JAK2: variants seen among roughly 807,000 people sequenced by gnomAD.
The protein encoded by JAK2 is Janus kinase 2.
JAK2 carries 86 observed loss-of-function variants against 139.3 expected under a neutral mutation model. The ratio of observed to expected loss-of-function variants is 0.62; its 90% confidence interval spans 0.52 to 0.74. The LOEUF is 0.74. JAK2 is among the 30% of genes least tolerant of loss of function. JAK2 has a pLI of 0.00. For synonymous variants in JAK2, 490 were observed against 437.7 expected, an observed-to-expected ratio of 1.12 and a Z score of -1.49; for missense variants, 1,421 against 1,360.3, an observed-to-expected ratio of 1.04 and a Z score of -0.70.
Position 5,080,623 on chromosome 9 carries a change from C to G in JAK2, c.2374C>G (p.Pro792Ala), listed in dbSNP as rs147644681. Reference protein sequence around the residue: ...NLINNCMDYEPDFRPSFRAII... With the variant: ...NLINNCMDYEADFRPSFRAII... Reference sequence around the variant, plus strand: ...TATAAATAATTGTATGGATTATGAACCAGATTTCAGGCCTTCTTTCAGAGC... The same window carrying G: ...TATAAATAATTGTATGGATTATGAAGCAGATTTCAGGCCTTCTTTCAGAGC... Residue 792 changes from proline to alanine, a missense_variant, in exon 18 of 25, where the codon CCA becomes GCA. Coordinates refer to ENST00000381652, the MANE Select transcript of JAK2 (RefSeq NM_004972.4). 1 of 1,607,914 alleles carries G rather than the reference C, an allele frequency of 6.2e-7. No homozygotes were observed. The highest frequency in any genetic ancestry group is 8.5e-7 in the Non-Finnish European group (1 of 1,178,310).
In JAK2 at chr9:5,090,654, A is replaced by C. The variant is rs1228213612; in HGVS notation, c.2886+84A>C. 1.5e-5 allele frequency: 23 copies of C among 1,515,060 alleles called. No individual in the cohort carries two copies. The East Asian group carries it at 4.6e-4, about 30-fold the overall frequency. 93.9% of individuals were successfully genotyped at this position (1,515,060 alleles called of 1,614,324 possible). A position where few individuals can be genotyped will look rare whatever the true frequency, so the allele number is the denominator to read the frequency against. On this transcript the variant is annotated intron_variant, in intron 21 of 24. Coordinates refer to ENST00000381652, the MANE Select transcript of JAK2 (RefSeq NM_004972.4). ...GGAAATCATCTAGACGTTTTCATAG[A>C]TAATAAAGGGAATATATAGGGTTAA...
Position 5,080,291 on chromosome 9 carries a change from T to A in JAK2, c.2194T>A (p.Leu732Met). The A allele has an allele frequency of 1.2e-6, 2 of 1,613,788 alleles. No individual in the cohort carries two copies. The highest frequency in any genetic ancestry group is 3.3e-5 in the Admixed American group (2 of 60,024). ...CATTGAAAATCCTAAAAATTTAAAT[T>A]TGGCAACAGACAAATGGAGTTTTGG... ...ECIENPKNLN[L>M]ATDKWSFGTT... is the part of the protein sequence containing the mutation. Residue 732 changes from leucine to methionine, a missense_variant, in exon 17 of 25, where the codon TTG becomes ATG. By Grantham distance (15) the Leu-to-Met change is conservative. Coordinates refer to ENST00000381652, the MANE Select transcript of JAK2 (RefSeq NM_004972.4).
intron 22 of JAK2, 81 bp downstream of exon 22, chr9:5,090,992 T>C: frequency 9.3e-7 from 1 of 1,073,340 alleles, no homozygotes; most frequent in Non-Finnish European, 1.3e-6. Flanking sequence ...AGTTTGCCAT[T>C]TCTATATTTA....
chr9:5,003,517 T>C (rs1821063019), intron 2 of JAK2, among the ~76,000 whole-genome samples: 1 of 152,084 alleles, frequency 6.6e-6, no homozygotes, highest in African/African-American at 2.4e-5. Context: ...ATTTAAAAAA[T>C]TGTTTGCTTC....
Position 5,072,474 on chromosome 9 carries a change from T to C in JAK2, c.1642-18T>C, listed in dbSNP as rs1819023011. On this transcript the variant is annotated intron_variant, in intron 12 of 24. Coordinates refer to ENST00000381652, the MANE Select transcript of JAK2 (RefSeq NM_004972.4). ...TCCATCTTTACTCATTCTTTTCTTT[T>C]ACCTTTTTCTCTTGAAGAATGAAAG... The C allele has an allele frequency of 1.3e-6, 2 of 1,506,792 alleles. No individual in the cohort carries two copies. The highest frequency in any genetic ancestry group is 1.4e-5 in the African/African-American group (1 of 71,052). 93.3% of individuals were successfully genotyped at this position (1,506,792 alleles called of 1,614,324 possible).
At chr9:5,035,349 T>C (rs184231521) in intron 4 of JAK2, among the ~76,000 whole-genome samples, 157 of 152,280 alleles carry the variant, frequency 1.0e-3, no homozygotes, top group African/African-American at 3.6e-3. Flanking sequence ...TTCCAATCAA[T>C]AGAATAAGAG....
At chr9:4,998,907 C>T (rs1451767654) in intron 2 of JAK2, among the ~76,000 whole-genome samples, 4 of 151,890 alleles carry the variant, frequency 2.6e-5, no homozygotes, top group East Asian at 1.9e-4. Context: ...CTGCAAGCTC[C>T]GCCTCCCGGG....
intron 13 of JAK2, 94 bp downstream of exon 13, chr9:5,072,720 A>G: frequency 2.1e-6 from 2 of 965,674 alleles, no homozygotes; most frequent in Non-Finnish European, 1.4e-6. Context: ...AGCTTTTCAA[A>G]ATTGTAATTT....
intron 14 of JAK2, among the ~76,000 whole-genome samples, chr9:5,077,212 A>C (rs964586030): frequency 1.3e-5 from 2 of 150,190 alleles, no homozygotes; most frequent in African/African-American, 4.9e-5. Context: ...ATTATATATT[A>C]TACATTTATG....
Position 5,089,710 on chromosome 9 carries a change from C to A in JAK2, c.2608C>A (p.Pro870Thr). 2 of 1,520,034 alleles carry A rather than the reference C, an allele frequency of 1.3e-6. No individual in the cohort carries two copies. The highest frequency in any genetic ancestry group is 1.3e-5 in the South Asian group (1 of 75,252). 94.2% of individuals were successfully genotyped at this position (1,520,034 alleles called of 1,614,324 possible). The change falls in exon 20 of 25, where the codon CCT becomes ACT. Residue 870 changes from proline to threonine, a missense_variant. Coordinates refer to ENST00000381652, the MANE Select transcript of JAK2 (RefSeq NM_004972.4). Reference sequence around the variant, plus strand: ...GAGTGTGGAGATGTGCCGGTATGACCCTCTACAGGACAACACTGGGGAGGT... The same window carrying A: ...GAGTGTGGAGATGTGCCGGTATGACACTCTACAGGACAACACTGGGGAGGT... Reference protein sequence around the residue: ...FGSVEMCRYDPLQDNTGEVVA... With the variant: ...FGSVEMCRYDTLQDNTGEVVA...
chr9:5,101,290 G>T (rs1486919456), intron 22 of JAK2, among the ~76,000 whole-genome samples: 1 of 152,224 alleles, frequency 6.6e-6, no homozygotes, highest in Non-Finnish European at 1.5e-5. Context: ...TAGCACAGCA[G>T]CCTAAGATCC....
chr9:5,013,253 A>G (rs1185526867), intron 2 of JAK2, among the ~76,000 whole-genome samples: 2 of 152,222 alleles, frequency 1.3e-5, no homozygotes, highest in Non-Finnish European at 2.9e-5. Flanking sequence ...TTAGAGTACA[A>G]TACAAAATTC....
chr9:5,105,334 G>T (rs932721593), intron 22 of JAK2, among the ~76,000 whole-genome samples: 1 of 152,122 alleles, frequency 6.6e-6, no homozygotes, highest in African/African-American at 2.4e-5. Context: ...AAATACCTGG[G>T]AATCCAACTT....
chr9:5,070,906 G>A (rs1818913830), intron 12 of JAK2, among the ~76,000 whole-genome samples: 1 of 152,124 alleles, frequency 6.6e-6, no homozygotes, highest in South Asian at 2.1e-4. Flanking sequence ...GCAAGGCCAC[G>A]AGTTAAAAGT....
At chr9:5,126,200 T>C (rs1326216299) in intron 23 of JAK2, 133 bp from the exon 24 acceptor site, 2 of 582,800 alleles carry the variant, frequency 3.4e-6, no homozygotes, top group East Asian at 5.9e-5. Context: ...TAAAAGTAGT[T>C]TGTTTTGAAA....
intron 2 of JAK2, among the ~76,000 whole-genome samples, chr9:4,990,222 T>C (rs1397501354): frequency 6.6e-6 from 1 of 152,176 alleles, no homozygotes; most frequent in Non-Finnish European, 1.5e-5. Flanking sequence ...GAGTGTTGAC[T>C]CTCCAAGACA....
At chr9:4,999,015 C>T (rs1188428969) in intron 2 of JAK2, among the ~76,000 whole-genome samples, 1 of 151,788 alleles carries the variant, frequency 6.6e-6, no homozygotes, top group Non-Finnish European at 1.5e-5. Context: ...TCAGTAGAGA[C>T]GGGGTTTCAC....
chr9:5,001,410 T>G (rs1820920496), intron 2 of JAK2, among the ~76,000 whole-genome samples: 1 of 152,166 alleles, frequency 6.6e-6, no homozygotes, highest in African/African-American at 2.4e-5. Context: ...GTGTTGACTT[T>G]TGTCAAATGC....
At chr9:4,995,006 G>T (rs1240697763) in intron 2 of JAK2, among the ~76,000 whole-genome samples, 1 of 152,052 alleles carries the variant, frequency 6.6e-6, no homozygotes, top group Non-Finnish European at 1.5e-5. Context: ...TTCAAAAGTG[G>T]TATATGTTAC....
Sources: allele counts gnomAD v4.1 joint callset (sites outside exome capture counted in the v4.1 genomes callset), GRCh38; gene constraint gnomAD v4.1.1; transcripts MANE v1.5; gene names NCBI Gene and HGNC (gene_info 2026-07-23, HGNC 2026-07-21).